Variants in RPH3AL observed in about 807,000 individuals in gnomAD.
RPH3AL encodes rabphilin 3A like (without C2 domains), also known as rab effector Noc2.
In RPH3AL, 38 loss-of-function variants were observed where a neutral mutation model predicts 43.1. The ratio of observed to expected loss-of-function variants is 0.88; its 90% CI spans 0.68 to 1.15. The LOEUF (loss-of-function observed/expected upper bound fraction) is 1.15, where lower values mean the gene tolerates loss of function less well. Among genes scored for constraint, RPH3AL ranks in the 50% most tolerant of loss-of-function variants. RPH3AL has a pLI of 0.00. For missense variants in RPH3AL, 462 were observed against 423.2 expected (o/e 1.09, Z -0.81); for synonymous variants, 189 against 176.3 (o/e 1.07, Z -0.57).
chr17:318,503 G>A (rs889470835), intron 5 of RPH3AL, among the ~76,000 whole-genome samples: 1 of 152,144 alleles, frequency 6.6e-6, no homozygotes, highest in African/African-American at 2.4e-5. Flanking sequence ...TCTCACCTAG[G>A]AGGGCAGCAA....
At chr17:305,357 A>G (rs2043458160) in intron 5 of RPH3AL, among the ~76,000 whole-genome samples, 1 of 151,972 alleles carries the variant, frequency 6.6e-6, no homozygotes, top group Non-Finnish European at 1.5e-5. Context: ...CCCCACAGGG[A>G]CAATCCGGGA....
chr17:213,955 GAGC>G (rs1338201427), intron 9 of RPH3AL, 32 bp from the exon 10 acceptor site: 1 of 1,554,828 alleles, frequency 6.4e-7, no homozygotes, highest in Non-Finnish European at 8.8e-7. Context: ...ACCACATGGT[GAGC>G]AGCGGTGGAG....
intron 1 of RPH3AL, among the ~76,000 whole-genome samples, chr17:347,621 GT>G (rs1228918300): frequency 6.6e-6 from 1 of 152,080 alleles, no homozygotes; most frequent in Non-Finnish European, 1.5e-5. Context: ...AAGGTAGTTT[GT>G]TACAAAGTTG....
At chr17:337,020 C>G (rs927043551) in intron 1 of RPH3AL, among the ~76,000 whole-genome samples, 1 of 152,192 alleles carries the variant, frequency 6.6e-6, no homozygotes, top group Non-Finnish European at 1.5e-5. Context: ...CCTGTTACCC[C>G]GATGCCCAGA....
chr17:309,827 G>C (rs1369963106), intron 5 of RPH3AL, among the ~76,000 whole-genome samples: 1 of 152,136 alleles, frequency 6.6e-6, no homozygotes, highest in Non-Finnish European at 1.5e-5. Context: ...TCGGTGCAAA[G>C]TGGGCTCAAG....
chr17:243,695 T>TTGACTACCTTCCTCTAC (rs2041653387), intron 7 of RPH3AL, among the ~76,000 whole-genome samples: 3 of 150,808 alleles, frequency 2.0e-5, no homozygotes, highest in African/African-American at 7.3e-5. Flanking sequence ...CCTTCCTCTA[T>TTGACTACCTTCCTCTAC]TGACTACCTT....
intron 7 of RPH3AL, among the ~76,000 whole-genome samples, chr17:243,320 T>C (rs1480905164): frequency 1.8e-5 from 2 of 113,414 alleles, no homozygotes; most frequent in Non-Finnish European, 3.8e-5. Context: ...ACTGATTACC[T>C]TCCTCTACTG....
intron 6 of RPH3AL, among the ~76,000 whole-genome samples, chr17:280,159 C>T (rs941477933): frequency 6.6e-6 from 1 of 152,224 alleles, no homozygotes; most frequent in Non-Finnish European, 1.5e-5. Context: ...GGTGAAGGCA[C>T]AGCCGCTTGC....
At position 289,219 on chromosome 17, in the gene RPH3AL, A is replaced by G. The variant is rs1408826550; in HGVS notation, c.352-7365T>C. 6.6e-6 allele frequency among the ~76,000 whole-genome samples: 1 copy of G among 152,132 alleles called. No homozygotes were observed. The highest frequency in any genetic ancestry group is 2.4e-5 in the African/African-American group (1 of 41,436). ...GATGAGGGGATCAAGGGAGACGGTC[A>G]TGAAAGTGCTCAGCACCATAAAAGG... is the stretch of plus-strand genomic sequence containing the variant. On this transcript the variant is annotated intron_variant, in intron 5 of 9. Coordinates refer to ENST00000331302, the MANE Select transcript of RPH3AL (RefSeq NM_006987.4). This position sits in a 1 kb window ranked among gnomAD's most constrained non-coding sequence, Gnocchi z 5.2.
At chr17:281,664 G>GGGCCCC in intron 6 of RPH3AL, 104 bp downstream of exon 6, 1 of 574,674 alleles carries the variant, frequency 1.7e-6, no homozygotes, top group Non-Finnish European at 3.3e-6. Flanking sequence ...AGCGTATCCA[G>GGGCCCC]CCCGCCCAGC....
chr17:331,854 C>G, intron 2 of RPH3AL: 1 of 1,289,142 alleles, frequency 7.8e-7, no homozygotes, highest in Non-Finnish European at 1.0e-6. Flanking sequence ...ACAGACTGCG[C>G]CCTTGTACTC....
chr17:251,763 G>A (rs1055081622), intron 6 of RPH3AL, among the ~76,000 whole-genome samples: 1 of 152,210 alleles, frequency 6.6e-6, no homozygotes, highest in Non-Finnish European at 1.5e-5. Flanking sequence ...GCCAGCCAAG[G>A]GCTCGCTACG....
intron 5 of RPH3AL, among the ~76,000 whole-genome samples, chr17:314,142 C>A (rs1404631031): frequency 2.0e-5 from 3 of 152,344 alleles, no homozygotes; most frequent in South Asian, 2.1e-4. Context: ...CGTTGCACAG[C>A]CACACCAGCA....
At chr17:239,353 A>C (rs558754870) in intron 7 of RPH3AL, among the ~76,000 whole-genome samples, 164 of 152,344 alleles carry the variant, frequency 1.1e-3, no homozygotes, top group Middle Eastern at 0.01. Context: ...ACCTAGAAGG[A>C]GAAAGAAATC....
chr17:247,114 T>C lies in RPH3AL; in HGVS notation c.610A>G (p.Arg204Gly). ...TSRIYTWARG[R>G]VVSSDSDSDS... ...GAGAGAGGCAGAGGGGACTTACCTCTTCCTCGGGCCCACGTGTAGATGCGG... is the reference window on the plus strand; with the variant it reads ...GAGAGAGGCAGAGGGGACTTACCTCCTCCTCGGGCCCACGTGTAGATGCGG... The change falls in exon 7 of 10, where the codon AGA becomes GGA. Residue 204 changes from arginine to glycine, a missense_variant. By Grantham distance (125) the Arg-to-Gly change is moderately radical. Transcript: ENST00000331302. 1.9e-6 allele frequency: 3 copies of C among 1,614,150 alleles called. No homozygotes were observed. In the South Asian group the frequency reaches 3.3e-5, roughly 18 times the overall value.
chr17:302,646 C>G (rs537334644), intron 5 of RPH3AL, among the ~76,000 whole-genome samples: 2 of 152,168 alleles, frequency 1.3e-5, no homozygotes, highest in Non-Finnish European at 2.9e-5. Flanking sequence ...CCGGCCCTCC[C>G]GGCTGCCACC....
chr17:245,007 AGT>A lies in RPH3AL; in HGVS notation c.613+2102_613+2103del, dbSNP rs1021133774. On this transcript the variant is annotated intron_variant, in intron 7 of 9. Transcript: ENST00000331302. The surrounding 1 kb of genome is among the most constrained non-coding windows in gnomAD (Gnocchi z 5.9). ...GCAAGTGTGTATGCATGTGGATATG[AGT>A]GTGTGTATGTGGATGTGTGTGTGGA... 6.6e-6 allele frequency among the ~76,000 whole-genome samples: 1 copy of A among 151,610 alleles called. No homozygotes were observed. Among genetic ancestry groups the A allele is most frequent in the Non-Finnish European group, 1.5e-5 (1 of 67,924 alleles).
chr17:219,648 T>G lies in RPH3AL; in HGVS notation c.702A>C (p.Lys234Asn), dbSNP rs768809781. The G allele has an allele frequency of 3.7e-6, 6 of 1,612,848 alleles. No individual in the cohort carries two copies. The highest frequency in any genetic ancestry group is 5.1e-6 in the Non-Finnish European group (6 of 1,179,412). ...RLPSTGVRDR[K>N]GDKPWKESGG... The stretch of plus-strand genomic sequence containing the variant: ...CTGACTCCTTCCAGGGTTTGTCGCC[T>G]TTCCGGTCCCTGACCCCAGTGGATG... The change falls in exon 8 of 10, where the codon AAA (lysine) becomes AAC (asparagine). Residue 234 changes from lysine (K) to asparagine (N), a missense_variant. Coordinates refer to ENST00000331302, the MANE Select transcript of RPH3AL (RefSeq NM_006987.4).
intron 1 of RPH3AL, among the ~76,000 whole-genome samples, chr17:340,206 G>A (rs985013596): frequency 1.1e-4 from 16 of 152,064 alleles, no homozygotes; most frequent in African/African-American, 2.7e-4. Context: ...CAAAGGCCCC[G>A]CTCCACCCAA....
Sources: gnomAD v4.1 joint callset for allele counts (sites outside exome capture counted in the v4.1 genomes callset) on GRCh38, gnomAD v4.1.1 for gene constraint, Gnocchi (gnomAD v3.1) non-coding constraint, MANE v1.5 for transcripts, NCBI Gene and HGNC (gene_info 2026-07-23, HGNC 2026-07-21) for gene names.